Variants in ZNF346 observed in about 807,000 individuals in gnomAD.
The protein encoded by ZNF346 is double-stranded RNA-binding zinc finger protein JAZ.
In ZNF346, 23 loss-of-function variants were observed where a neutral mutation model predicts 33.7. The ratio of observed to expected loss-of-function variants is 0.68; its 90% confidence interval spans 0.49 to 0.97. The LOEUF (loss-of-function observed/expected upper bound fraction) is 0.97. Among genes scored for constraint, ZNF346 ranks in the 50% least tolerant of loss-of-function variants. The probability of loss-of-function intolerance (pLI) is 0.00; values close to 1 mark genes in which losing one functional copy is unlikely to be tolerated. For synonymous variants in ZNF346, 134 were observed against 142.4 expected, an observed-to-expected ratio of 0.94 and a Z score of 0.42; for missense variants, 340 against 371.1, an observed-to-expected ratio of 0.92 and a Z score of 0.69.
chr5:177,054,430 C>T (rs1581917260), intron 5 of ZNF346, among the ~76,000 whole-genome samples: 1 of 150,650 alleles, frequency 6.6e-6, no homozygotes, highest in South Asian at 2.1e-4. Context: ...TGGACTTTCG[C>T]TCTTGTTGCC....
Position 177,066,555 on chromosome 5 carries a change from G to A in ZNF346, c.*1956G>A, listed in dbSNP as rs1046682540. 2.6e-5 allele frequency among the ~76,000 whole-genome samples: 4 copies of A among 151,930 alleles called. No individual in the cohort carries two copies. Among genetic ancestry groups the A allele is most frequent in the Non-Finnish European group, 5.9e-5 (4 of 68,002 alleles). Reference sequence around the variant, plus strand: ...TGATTCTTGAAAGAGCATTTTTCATGACTCAAAAATGAGCTGAGAAGGAGT... The same window carrying A: ...TGATTCTTGAAAGAGCATTTTTCATAACTCAAAAATGAGCTGAGAAGGAGT... On this transcript the variant is annotated 3_prime_UTR_variant, in exon 7 of 7. Coordinates refer to ENST00000358149, the MANE Select transcript of ZNF346 (RefSeq NM_012279.4).
chr5:177,027,868 C>G (rs1428430593), intron 1 of ZNF346, among the ~76,000 whole-genome samples: 1 of 151,412 alleles, frequency 6.6e-6, no homozygotes, highest in Non-Finnish European at 1.5e-5. Context: ...GTCTGAAACT[C>G]CTGGCCTCTA....
chr5:177,056,844 A>G (rs1278393608), intron 5 of ZNF346, among the ~76,000 whole-genome samples: 4 of 152,180 alleles, frequency 2.6e-5, no homozygotes, highest in Non-Finnish European at 5.9e-5. Context: ...CAGCACACCA[A>G]CTTGGTATAT....
At chr5:177,040,362 T>C (rs1210141996) in intron 1 of ZNF346, among the ~76,000 whole-genome samples, 2 of 152,116 alleles carry the variant, frequency 1.3e-5, no homozygotes, top group African/African-American at 4.8e-5. Context: ...TTTATTTATT[T>C]AGAGACAGAG....
intron 1 of ZNF346, among the ~76,000 whole-genome samples, chr5:177,029,516 C>T (rs1241540029): frequency 6.6e-6 from 1 of 152,162 alleles, no homozygotes; most frequent in Admixed American, 6.5e-5. Flanking sequence ...TCAATTTCTG[C>T]CTCCTCAGAA....
At chr5:177,073,837 G>A (rs1447592620) in intron 8 of ZNF346, among the ~76,000 whole-genome samples, 7 of 147,228 alleles carry the variant, frequency 4.8e-5, no homozygotes, top group Non-Finnish European at 1.1e-4. Flanking sequence ...GAGGGGGGGG[G>A]TCCATTTCCC....
rs938877347 is a variant in ZNF346, at chr5:177,050,895, G to A, written c.662G>A (p.Arg221His). Residue 221 changes from arginine to histidine, a missense_variant, in exon 5 of 7, where the codon CGC becomes CAC. Coordinates refer to ENST00000358149, the MANE Select transcript of ZNF346 (RefSeq NM_012279.4). ...KQETKLKLMA[R>H]YGRLADPAVT... The stretch of plus-strand genomic sequence containing the variant: ...GAGACCAAGCTCAAACTAATGGCAC[G>A]CTATGGGCGGCTGGCGGACCCTGCT... 4 of 1,614,084 alleles carry A rather than the reference G, an allele frequency of 2.5e-6. No individual in the cohort carries two copies. The highest frequency in any genetic ancestry group is 1.3e-5 in the African/African-American group (1 of 74,920).
rs191163280 is a variant in ZNF346, at chr5:177,033,521, T to C, written c.176-7605T>C. 1.2e-4 allele frequency among the ~76,000 whole-genome samples: 18 copies of C among 152,238 alleles called. No homozygotes were observed. In the East Asian group the frequency reaches 2.1e-3, roughly 18 times the overall value. ...AATTTTTTTGTTTTGTTTTGTTTTG[T>C]TTTTGTTTTTGTTTTGTTTTGAGAT... On this transcript the variant is annotated intron_variant, in intron 1 of 6. Transcript: ENST00000358149.
intron 1 of ZNF346, chr5:177,023,227 C>T: frequency 2.6e-6 from 4 of 1,535,910 alleles, no homozygotes; most frequent in Non-Finnish European, 3.5e-6. Flanking sequence ...ACAGTCTTTG[C>T]CATCCCGGTA....
At chr5:177,027,521 G>C (rs1776967165) in intron 1 of ZNF346, among the ~76,000 whole-genome samples, 1 of 150,022 alleles carries the variant, frequency 6.7e-6, no homozygotes, top group African/African-American at 2.5e-5. Context: ...AGGAGGCTAA[G>C]GTTGCAGTGA....
intron 1 of ZNF346, among the ~76,000 whole-genome samples, chr5:177,030,168 AAAT>A (rs1446051675): frequency 2.0e-5 from 3 of 152,220 alleles, no homozygotes; most frequent in Non-Finnish European, 4.4e-5. Context: ...AATCAGTTCA[AAAT>A]AATTTCTAAT....
intron 1 of ZNF346, among the ~76,000 whole-genome samples, chr5:177,029,017 C>T (rs2149586430): frequency 6.6e-6 from 1 of 151,554 alleles, no homozygotes; most frequent in African/African-American, 2.4e-5. Context: ...CCGCACCCGG[C>T]CATATAACAA....
chr5:177,045,385 C>T (rs1779900213), intron 4 of ZNF346, among the ~76,000 whole-genome samples: 1 of 151,496 alleles, frequency 6.6e-6, no homozygotes, highest in African/African-American at 2.4e-5. Flanking sequence ...GATGGAGTCT[C>T]GCTCTGTTGC....
intron 6 of ZNF346, among the ~76,000 whole-genome samples, chr5:177,063,274 CT>C (rs1454312942): frequency 6.6e-6 from 1 of 152,194 alleles, no homozygotes; most frequent in African/African-American, 2.4e-5. Flanking sequence ...GGCAGGCAAG[CT>C]GCCGAAATGA....
chr5:177,029,030 C>T (rs1777299456), intron 1 of ZNF346, among the ~76,000 whole-genome samples: 2 of 151,902 alleles, frequency 1.3e-5, no homozygotes, highest in Admixed American at 6.6e-5. Flanking sequence ...TATAACAAGC[C>T]CCTTTCAGCC....
chr5:177,044,552 A>G lies in ZNF346; in HGVS notation c.517+19A>G. The G allele has an allele frequency of 6.2e-7, 1 of 1,612,664 alleles. No individual in the cohort carries two copies. The highest frequency in any genetic ancestry group is 8.5e-7 in the Non-Finnish European group (1 of 1,179,660). Reference sequence around the variant, plus strand: ...GTGGAAGGTACTGGTTTTCCTGAGTAGTGCTATAGTGGGACCCCTGCCGTC... The same window carrying G: ...GTGGAAGGTACTGGTTTTCCTGAGTGGTGCTATAGTGGGACCCCTGCCGTC... On this transcript the variant is annotated intron_variant, in intron 4 of 6. Coordinates refer to ENST00000358149, the MANE Select transcript of ZNF346 (RefSeq NM_012279.4).
Position 177,065,949 on chromosome 5 carries a change from A to T in ZNF346, c.*1350A>T, listed in dbSNP as rs1306449203. 1 of 149,446 alleles carries T rather than the reference A, an allele frequency of 6.7e-6. No homozygotes were observed. The highest frequency in any genetic ancestry group is 6.8e-5 in the Admixed American group (1 of 14,744). The allele number at this position is 149,446 out of a possible 1,614,324, so 9.3% of individuals were successfully genotyped here. On this transcript the variant is annotated 3_prime_UTR_variant, in exon 7 of 7. Coordinates refer to ENST00000358149, the MANE Select transcript of ZNF346 (RefSeq NM_012279.4). ...CTCTTGGTCACTGAAGCATCCAAAT[A>T]AAGAATTTCCCTCATGGGCCAGACT...
At position 177,064,762 on chromosome 5, in the gene ZNF346, C is replaced by A. The variant is rs1404719177; in HGVS notation, c.*163C>A. The A allele has an allele frequency of 1.3e-5, 8 of 619,672 alleles. No individual in the cohort carries two copies. Among genetic ancestry groups the A allele is most frequent in the Non-Finnish European group, 2.3e-5 (8 of 345,838 alleles). 38.4% of individuals were successfully genotyped at this position (619,672 alleles called of 1,614,324 possible). A position where few individuals can be genotyped will look rare whatever the true frequency, so the allele number is the denominator to read the frequency against. On this transcript the variant is annotated 3_prime_UTR_variant, in exon 7 of 7. Coordinates refer to ENST00000358149, the MANE Select transcript of ZNF346 (RefSeq NM_012279.4). Reference sequence around the variant, plus strand: ...CCTCTCATTGGTCCGGGCTAATTCACTCCTGCTGCTCCCCTTTGGCAGGGG... The same window carrying A: ...CCTCTCATTGGTCCGGGCTAATTCAATCCTGCTGCTCCCCTTTGGCAGGGG...
chr5:177,038,100 A>ATT (rs1778774109), intron 1 of ZNF346, among the ~76,000 whole-genome samples: 1 of 126,852 alleles, frequency 7.9e-6, no homozygotes. Flanking sequence ...TTTTTTTTAA[A>ATT]TTTTCAGAGT....
Sources: allele counts gnomAD v4.1 joint callset (sites outside exome capture counted in the v4.1 genomes callset), GRCh38; gene constraint gnomAD v4.1.1; transcripts MANE v1.5; gene names NCBI Gene and HGNC (gene_info 2026-07-23, HGNC 2026-07-21).